Variants in PLAU observed in about 807,000 individuals in gnomAD.
The protein encoded by PLAU is urokinase-type plasminogen activator.
A neutral mutation model predicts 48.9 loss-of-function variants in PLAU; 32 were observed. The ratio of observed to expected loss-of-function variants is 0.65; its 90% CI spans 0.49 to 0.88. The LOEUF (loss-of-function observed/expected upper bound fraction) is 0.88, where lower values mean the gene tolerates loss of function less well. PLAU is among the 40% of genes least tolerant of loss of function. The pLI is 0.00. For missense variants in PLAU, 455 were observed against 545.2 expected, an observed-to-expected ratio of 0.83 and a Z score of 1.65; for synonymous variants, 199 against 205.7, an observed-to-expected ratio of 0.97 and a Z score of 0.28.
In PLAU at chr10:73,911,618, T is replaced by C. The variant is rs770181188; in HGVS notation, c.57+6T>C. On this transcript the variant is annotated splice_donor_region_variant and intron_variant, in intron 2 of 10. Transcript: ENST00000372764. ...TGGTCGTGAGCGACTCCAAAGTGAGTGCGCTCTTGCTTTGACTGATGCTGC... is the reference window on the plus strand; with the variant it reads ...TGGTCGTGAGCGACTCCAAAGTGAGCGCGCTCTTGCTTTGACTGATGCTGC... 12 of 1,613,574 alleles carry C rather than the reference T, an allele frequency of 7.4e-6. No individual in the cohort carries two copies. Among genetic ancestry groups the C allele is most frequent in the African/African-American group, 1.3e-5 (1 of 74,884 alleles).
In PLAU at chr10:73,913,388, A is replaced by T. The variant is rs763969436; in HGVS notation, c.460+7A>T. ...GTGCATGACTGCGCAGATGGTGAGC[A>T]TCACTGACCTGCTGATGACAGTGGG... On this transcript the variant is annotated splice_region_variant and intron_variant, in intron 6 of 10. Transcript: ENST00000372764. 1 of 1,611,428 alleles carries T rather than the reference A, an allele frequency of 6.2e-7. No homozygotes were observed. Among genetic ancestry groups the T allele is most frequent in the Admixed American group, 1.7e-5 (1 of 59,996 alleles).
At chr10:73,914,998 C>T (rs1402632929) in intron 9 of PLAU, 82 bp downstream of exon 9, 4 of 1,466,372 alleles carry the variant, frequency 2.7e-6, no homozygotes, top group Non-Finnish European at 3.8e-6. Context: ...CAAGGGAAGA[C>T]TGCAGAGTTA....
Position 73,912,252 on chromosome 10 carries a change from C to T in PLAU, c.123C>T (p.Ser41=). ...CDCLNGGTCV[S]NKYFSNIHWC... ...GTCTAAATGGAGGAACATGTGTGTC[C>T]AACAAGTACTTCTCCAACATTCACT... Residue 41 remains serine, a synonymous_variant, in exon 4 of 11, where the codon TCC becomes TCT. Coordinates refer to ENST00000372764, the MANE Select transcript of PLAU (RefSeq NM_002658.6). 2 of 1,614,042 alleles carry T rather than the reference C, an allele frequency of 1.2e-6. No homozygotes were observed. The highest frequency in any genetic ancestry group is 1.7e-6 in the Non-Finnish European group (2 of 1,180,022).
upstream of PLAU, chr10:73,911,119 C>G (rs1338030896): frequency 1.1e-5 from 2 of 174,598 alleles, no homozygotes; most frequent in Non-Finnish European, 2.4e-5. Flanking sequence ...GAGCAGGCGC[C>G]GCGGGTCGCA....
upstream of PLAU, among the ~76,000 whole-genome samples, chr10:73,908,833 G>A (rs1294218095): frequency 1.4e-5 from 2 of 143,170 alleles, no homozygotes; most frequent in African/African-American, 5.3e-5. Flanking sequence ...ACTCCAGCCT[G>A]GGTGACAGAC....
At chr10:73,913,460 A>C in intron 6 of PLAU, 79 bp downstream of exon 6, 1 of 1,550,424 alleles carries the variant, frequency 6.4e-7, no homozygotes, top group South Asian at 1.1e-5. Flanking sequence ...TCACAGGAGG[A>C]CTGAGGAGGT....
At chr10:73,916,318 G>C (rs1378565929) in intron 10 of PLAU, 71 bp from the exon 11 acceptor site, 2 of 1,359,846 alleles carry the variant, frequency 1.5e-6, no homozygotes, top group Non-Finnish European at 1.0e-6. Context: ...CTCTGGTATG[G>C]TTGGGTGATG....
chr10:73,911,471 T>A (rs1484375692), intron 1 of PLAU, 54 bp from the exon 2 acceptor site: 22 of 1,536,212 alleles, frequency 1.4e-5, no homozygotes, highest in Non-Finnish European at 1.9e-5. Context: ...GTCGCCCGCC[T>A]GGCCTGCCTT....
chr10:73,912,941 T>C lies in PLAU; in HGVS notation c.211T>C (p.Tyr71His), dbSNP rs2096127703. The change falls in exon 5 of 11, where the codon TAT (tyrosine) becomes CAT (histidine). Residue 71 changes from tyrosine (Y) to histidine (H), a missense_variant. By Grantham distance (83) the Tyr-to-His change is moderately conservative. Coordinates refer to ENST00000372764, the MANE Select transcript of PLAU (RefSeq NM_002658.6). ...HCEIDKSKTC[Y>H]EGNGHFYRGK... ...CCTTGTAGATAAGTCAAAAACCTGC[T>C]ATGAGGGGAATGGTCACTTTTACCG... is the stretch of plus-strand genomic sequence containing the variant. 6.2e-7 allele frequency: 1 copy of C among 1,612,930 alleles called. No homozygotes were observed.
rs1196865219 is a variant in PLAU at position 73,915,476 on chromosome 10, GGT to G, written c.1119+80_1119+81del. 3.6e-6 allele frequency: 5 copies of G among 1,405,308 alleles called. No homozygotes were observed. In the African/African-American group the frequency reaches 7.2e-5, roughly 20 times the overall value. The allele number at this position is 1,405,308 out of a possible 1,614,324, so 87.1% of individuals were successfully genotyped here. On this transcript the variant is annotated intron_variant, in intron 10 of 10. Coordinates refer to ENST00000372764, the MANE Select transcript of PLAU (RefSeq NM_002658.6). The stretch of plus-strand genomic sequence containing the variant: ...CTGGGCTTGTTCCAGCCAGCTTAAG[GGT>G]GTCTCTCTCTAGCCAAAGCCCTAAG...
rs773178013 is a variant in PLAU, at chr10:73,913,521, CCT to C, written c.461-15_461-14del. 5.0e-6 allele frequency: 8 copies of C among 1,600,578 alleles called. No homozygotes were observed. The highest frequency in any genetic ancestry group is 1.7e-4 in the Middle Eastern group (1 of 6,012). ...CTCCTACCTGCCTCCCTAAGACATC[CCT>C]CTGTTTGTCCTCCAGGAAAAAAGCC... On this transcript the variant is annotated splice_polypyrimidine_tract_variant and intron_variant, in intron 6 of 10. Coordinates refer to ENST00000372764, the MANE Select transcript of PLAU (RefSeq NM_002658.6).
At position 73,911,623 on chromosome 10, in the gene PLAU, T is replaced by C. The variant is rs1328755242; in HGVS notation, c.57+11T>C. 9.9e-6 allele frequency: 16 copies of C among 1,613,786 alleles called. No homozygotes were observed. The highest frequency in any genetic ancestry group is 1.4e-5 in the Non-Finnish European group (16 of 1,179,924). On this transcript the variant is annotated intron_variant, in intron 2 of 10. Coordinates refer to ENST00000372764, the MANE Select transcript of PLAU (RefSeq NM_002658.6). ...GTGAGCGACTCCAAAGTGAGTGCGC[T>C]CTTGCTTTGACTGATGCTGCCCAAG...
In PLAU at chr10:73,913,721, A is replaced by G. The variant is rs2096129981; in HGVS notation, c.643A>G (p.Ser215Gly). ...VTYVCGGSLI[S>G]PCWVISATHC... is the part of the protein sequence containing the mutation. ...CTACGTGTGTGGAGGCAGCCTCATC[A>G]GCCCTTGCTGGGTGATCAGCGCCAC... Residue 215 changes from serine (S) to glycine (G), a missense_variant, in exon 7 of 11, where the codon AGC becomes GGC. Transcript: ENST00000372764. 1 of 1,610,962 alleles carries G rather than the reference A, an allele frequency of 6.2e-7. No homozygotes were observed. The highest frequency in any genetic ancestry group is 8.5e-7 in the Non-Finnish European group (1 of 1,178,592).
intron 7 of PLAU, 49 bp downstream of exon 7, chr10:73,913,807 A>G (rs1326903079): frequency 1.4e-6 from 2 of 1,471,626 alleles, no homozygotes; most frequent in South Asian, 1.3e-5. Flanking sequence ...CACCCCAAGC[A>G]CATCCCTTTC....
At chr10:73,915,482 T>C in intron 10 of PLAU, 83 bp downstream of exon 10, 5 of 1,348,914 alleles carry the variant, frequency 3.7e-6, no homozygotes, top group Non-Finnish European at 5.0e-6. Flanking sequence ...TAAGGGTGTC[T>C]CTCTCTAGCC....
chr10:73,911,430 T>C, intron 1 of PLAU, 95 bp from the exon 2 acceptor site: 1 of 1,253,644 alleles, frequency 8.0e-7, no homozygotes, highest in African/African-American at 1.5e-5. Context: ...CTGGGGAGCC[T>C]GGTCACCGCG....
In PLAU at chr10:73,911,723, G is replaced by A. The variant is rs371227106; in HGVS notation, c.57+111G>A. On this transcript the variant is annotated intron_variant, in intron 2 of 10. Coordinates refer to ENST00000372764, the MANE Select transcript of PLAU (RefSeq NM_002658.6). ...GTCCTCCGGATTCCATCCACAGCAG[G>A]GCCAGACTCTCCCCAGGAAATGGGA... 422 of 1,559,682 alleles carry A rather than the reference G, an allele frequency of 2.7e-4. No individual in the cohort carries two copies. In the African/African-American group the frequency reaches 5.3e-3, roughly 20 times the overall value.
intron 2 of PLAU, 162 bp from the exon 3 acceptor site, chr10:73,911,879 T>A (rs1247414999): frequency 6.4e-7 from 1 of 1,558,316 alleles, no homozygotes. Flanking sequence ...CCATTTCTCC[T>A]GGCTGGAAAC....
Position 73,915,381 on chromosome 10 carries a change from G to A in PLAU, c.1101G>A (p.Trp367Ter). ...TGCTGTGTGCTGCTGACCCACAGTGGAAAACAGATTCCTGCCAGGTGAGTG... is the reference window on the plus strand; with the variant it reads ...TGCTGTGTGCTGCTGACCCACAGTGAAAAACAGATTCCTGCCAGGTGAGTG... ...TKMLCAADPQ[W>*]KTDSCQGDSG... is the part of the protein sequence containing the mutation. Residue 367 changes from tryptophan (W) to a stop codon, truncating the protein, a stop_gained, in exon 10 of 11, where the codon TGG (tryptophan) becomes TGA (stop). Transcript: ENST00000372764. LOFTEE classifies it low-confidence loss of function (END_TRUNC). 1 of 1,608,812 alleles carries A rather than the reference G, an allele frequency of 6.2e-7. No homozygotes were observed. The highest frequency in any genetic ancestry group is 8.5e-7 in the Non-Finnish European group (1 of 1,177,634).
Sources: allele counts gnomAD v4.1 joint callset (sites outside exome capture counted in the v4.1 genomes callset), GRCh38; gene constraint gnomAD v4.1.1; transcripts MANE v1.5; gene names NCBI Gene and HGNC (gene_info 2026-07-23, HGNC 2026-07-21).